Variants in TECRL observed in about 807,000 individuals in gnomAD.
TECRL encodes the protein trans-2,3-enoyl-CoA reductase-like.
Under a neutral mutation model 52.8 loss-of-function variants are expected in TECRL, and 63 were observed. The observed-to-expected ratio is 1.19, with a 90% CI of 0.97 to 1.47. The LOEUF (loss-of-function observed/expected upper bound fraction) is 1.47, where lower values mean the gene tolerates loss of function less well. Among genes scored for constraint, TECRL ranks in the 40% most tolerant of loss-of-function variants. TECRL has a pLI of 0.00. For synonymous variants in TECRL, 164 were observed against 141.9 expected (o/e 1.16, Z -1.10); for missense variants, 482 against 429.6 (o/e 1.12, Z -1.08).
intron 5 of TECRL, 101 bp from the exon 6 acceptor site, chr4:64,310,032 T>C: frequency 1.6e-6 from 1 of 606,444 alleles, no homozygotes; most frequent in East Asian, 3.2e-5. Context: ...ATGCTAGCTA[T>C]TGGGAAACAT....
intron 1 of TECRL, among the ~76,000 whole-genome samples, chr4:64,376,487 G>A (rs1722405670): frequency 6.6e-6 from 1 of 151,778 alleles, no homozygotes; most frequent in South Asian, 2.1e-4. Flanking sequence ...ATATACTTGT[G>A]CATATATTTT....
At chr4:64,327,311 A>C (rs960394331) in intron 3 of TECRL, among the ~76,000 whole-genome samples, 4 of 152,088 alleles carry the variant, frequency 2.6e-5, no homozygotes, top group African/African-American at 4.8e-5. Flanking sequence ...AATTTGGGAG[A>C]AAAGGAATAT....
At chr4:64,342,969 A>G (rs1719692956) in intron 2 of TECRL, among the ~76,000 whole-genome samples, 1 of 152,118 alleles carries the variant, frequency 6.6e-6, no homozygotes, top group Non-Finnish European at 1.5e-5. Flanking sequence ...TAAAATCTTT[A>G]CAACTCTGTG....
rs1722828376 is a variant in TECRL at position 64,281,529 on chromosome 4, T to C, written c.863A>G (p.Tyr288Cys). Residue 288 changes from tyrosine (Y) to cysteine (C), a missense_variant, in exon 10 of 12, where the codon TAT (tyrosine) becomes TGT (cysteine). By Grantham distance (194) the Tyr-to-Cys change is radical. Transcript: ENST00000381210. ...GNNACFPSPN[Y>C]NPFTWMFFLV... ...GAAAAACATCCATGTGAAGGGGTTA[T>C]AATTTGGACTTGGGAAACAGGCATT... The C allele has an allele frequency of 6.2e-7, 1 of 1,604,958 alleles. No individual in the cohort carries two copies. Among genetic ancestry groups the C allele is most frequent in the Admixed American group, 1.7e-5 (1 of 58,452 alleles).
At chr4:64,320,680 G>C (rs1352544797) in intron 4 of TECRL, among the ~76,000 whole-genome samples, 1 of 151,994 alleles carries the variant, frequency 6.6e-6, no homozygotes, top group Non-Finnish European at 1.5e-5. Context: ...TGCTCACCCT[G>C]ACACAATTTC....
chr4:64,405,954 G>T (rs559181234), intron 1 of TECRL, among the ~76,000 whole-genome samples: 1 of 152,052 alleles, frequency 6.6e-6, no homozygotes, highest in East Asian at 1.9e-4. Context: ...TATTTGCCGT[G>T]CCTCACTGGT....
intron 9 of TECRL, among the ~76,000 whole-genome samples, chr4:64,286,529 G>C (rs1395721601): frequency 7.0e-6 from 1 of 142,800 alleles, no homozygotes. Flanking sequence ...AAATTTTTTA[G>C]AACGTAAAAA....
chr4:64,336,749 C>A (rs1719118713), intron 2 of TECRL, among the ~76,000 whole-genome samples: 1 of 152,088 alleles, frequency 6.6e-6, no homozygotes, highest in African/African-American at 2.4e-5. Flanking sequence ...TTATTTCTGC[C>A]TTCATTTTGT....
intron 2 of TECRL, among the ~76,000 whole-genome samples, chr4:64,358,285 A>T (rs927094988): frequency 6.6e-6 from 1 of 151,824 alleles, no homozygotes; most frequent in Admixed American, 6.6e-5. Context: ...TTAATGTATG[A>T]TATGTCATAA....
chr4:64,399,018 T>G (rs1223080412), intron 1 of TECRL, among the ~76,000 whole-genome samples: 1 of 152,170 alleles, frequency 6.6e-6, no homozygotes, highest in East Asian at 1.9e-4. Flanking sequence ...TGCAAGCGTG[T>G]GTAGCCTGCC....
chr4:64,303,481 C>T lies in TECRL; in HGVS notation c.730+1685G>A, dbSNP rs77850349. On this transcript the variant is annotated intron_variant, in intron 7 of 11. Coordinates refer to ENST00000381210, the MANE Select transcript of TECRL (RefSeq NM_001010874.5). ...AACTGACTGGCTGTGGATTGGCTAA[C>T]CTCTTGCACAGTTTACTGTTATCTG... Among the ~76,000 whole-genome samples, 996 of 151,812 alleles carry T rather than the reference C, an allele frequency of 6.6e-3. 7 individuals carry two copies. The highest frequency in any genetic ancestry group is 0.023 in the African/African-American group (945 of 41,510).
rs533288491 is a variant in TECRL, at chr4:64,279,680, A to G, written c.*392T>C. The G allele has an allele frequency of 2.7e-4, 162 of 592,190 alleles. 2 individuals carry two copies. The African/African-American group carries it at 3.1e-3, about 11-fold the overall frequency. 36.7% of individuals were successfully genotyped at this position (592,190 alleles called of 1,614,324 possible). On this transcript the variant is annotated 3_prime_UTR_variant, in exon 12 of 12. Coordinates refer to ENST00000381210, the MANE Select transcript of TECRL (RefSeq NM_001010874.5). The stretch of plus-strand genomic sequence containing the variant: ...ATAGTTAATGTTGAGCATTTTAAAA[A>G]TATACTTATTGACCATGTATATGTC...
chr4:64,318,465 G>T (rs559253674), intron 4 of TECRL, among the ~76,000 whole-genome samples: 6 of 152,000 alleles, frequency 3.9e-5, no homozygotes, highest in Non-Finnish European at 8.8e-5. Context: ...GCATGTGTGT[G>T]TGTGCGCATG....
chr4:64,334,733 T>C (rs1444442060), intron 2 of TECRL, among the ~76,000 whole-genome samples: 1 of 152,122 alleles, frequency 6.6e-6, no homozygotes, highest in Non-Finnish European at 1.5e-5. Context: ...AATTATACAA[T>C]AAAAAATAGG....
intron 1 of TECRL, among the ~76,000 whole-genome samples, chr4:64,406,510 C>G (rs948048872): frequency 1.3e-4 from 20 of 151,178 alleles, no homozygotes; most frequent in Admixed American, 1.3e-3. Context: ...ATTACTTTCT[C>G]TCTCCAAATG....
At chr4:64,317,903 A>G (rs1717617760) in intron 4 of TECRL, among the ~76,000 whole-genome samples, 1 of 152,146 alleles carries the variant, frequency 6.6e-6, no homozygotes, top group African/African-American at 2.4e-5. Flanking sequence ...ATAAGAACAG[A>G]TTTTTGATGG....
chr4:64,407,123 T>C (rs1324408244), intron 1 of TECRL, among the ~76,000 whole-genome samples: 1 of 152,080 alleles, frequency 6.6e-6, no homozygotes, highest in Non-Finnish European at 1.5e-5. Flanking sequence ...GATCCACTTC[T>C]ACTCAGACAT....
intron 11 of TECRL, among the ~76,000 whole-genome samples, chr4:64,280,667 C>T (rs1722778528): frequency 6.6e-6 from 1 of 152,092 alleles, no homozygotes; most frequent in South Asian, 2.1e-4. Flanking sequence ...TTAAAATGCT[C>T]AGTATTCAAG....
At chr4:64,387,266 A>T (rs1315104885) in intron 1 of TECRL, among the ~76,000 whole-genome samples, 8 of 152,142 alleles carry the variant, frequency 5.3e-5, no homozygotes, top group African/African-American at 1.7e-4. Context: ...TTTAGTGCTG[A>T]ATAACATTCC....
Sources: allele counts gnomAD v4.1 joint callset (sites outside exome capture counted in the v4.1 genomes callset), GRCh38; gene constraint gnomAD v4.1.1; transcripts MANE v1.5; gene names NCBI Gene and HGNC (gene_info 2026-07-23, HGNC 2026-07-21).